The following VRK2 variants were observed in gnomAD, a reference collection of about 807,000 sequenced individuals.
The protein encoded by VRK2 is VRK serine/threonine kinase 2, also known as serine/threonine-protein kinase VRK2.
Under a neutral mutation model 57.6 loss-of-function variants are expected in VRK2, and 60 were observed. That is an observed-to-expected ratio of 1.04 (90% CI 0.85 to 1.29). The LOEUF (loss-of-function observed/expected upper bound fraction) is 1.29. Among genes scored for constraint, VRK2 ranks in the 50% most tolerant of loss-of-function variants. The probability of loss-of-function intolerance (pLI) is 0.00; values close to 1 mark genes in which losing one functional copy is unlikely to be tolerated. For missense variants in VRK2, 705 were observed against 588.1 expected (o/e 1.20, Z -2.06); for synonymous variants, 231 against 199.2 (o/e 1.16, Z -1.35).
chr2:58,029,647 C>T (rs1164677445), intron 2 of VRK2, among the ~76,000 whole-genome samples: 1 of 152,078 alleles, frequency 6.6e-6, no homozygotes, highest in Non-Finnish European at 1.5e-5. Flanking sequence ...TACATTGAGG[C>T]AGACATAGAC....
chr2:57,947,712 T>G (rs532016901), intron 1 of VRK2, among the ~76,000 whole-genome samples: 1 of 152,194 alleles, frequency 6.6e-6, no homozygotes, highest in Non-Finnish European at 1.5e-5. Context: ...GTTGTGTACC[T>G]GTTGCCTGAC....
At chr2:57,938,701 A>G (rs1360833921) in intron 1 of VRK2, among the ~76,000 whole-genome samples, 1 of 152,056 alleles carries the variant, frequency 6.6e-6, no homozygotes, top group South Asian at 2.1e-4. Flanking sequence ...TTTCTCTCAT[A>G]AACAGAAGTT....
intron 1 of VRK2, among the ~76,000 whole-genome samples, chr2:57,924,999 T>C (rs145994806): frequency 5.3e-4 from 80 of 152,256 alleles, no homozygotes; most frequent in African/African-American, 1.8e-3. Context: ...TCTGTTGATA[T>C]GATGTATCAC....
intron 1 of VRK2, among the ~76,000 whole-genome samples, chr2:58,012,313 T>C (rs568556389): frequency 2.5e-4 from 38 of 152,302 alleles, no homozygotes; most frequent in Admixed American, 3.9e-4. Context: ...TTTCACTTTA[T>C]TCTATGGACT....
intron 2 of VRK2, among the ~76,000 whole-genome samples, chr2:58,056,796 G>GT (rs1283300524): frequency 3.3e-5 from 5 of 152,158 alleles, no homozygotes; most frequent in African/African-American, 1.2e-4. Context: ...ACAACTAGAG[G>GT]TAGAGGAGAG....
In VRK2 at chr2:57,944,028, A is replaced by C. The variant is rs530140426; in HGVS notation, c.-439+36189A>C. On this transcript the variant is annotated intron_variant, in intron 1 of 15. Coordinates refer to the VRK2 transcript ENST00000417641. The stretch of plus-strand genomic sequence containing the variant: ...GCACTGGGCCAGATTTGGCTCATAG[A>C]GTGTAGTTTGCTGACAGCTGATCTA... Among the ~76,000 whole-genome samples, 4 of 152,352 alleles carry C rather than the reference A, an allele frequency of 2.6e-5. No homozygotes were observed. The East Asian group carries it at 7.7e-4, about 29-fold the overall frequency.
chr2:57,962,036 C>T (rs1671777833), intron 1 of VRK2, among the ~76,000 whole-genome samples: 1 of 152,148 alleles, frequency 6.6e-6, no homozygotes, highest in Non-Finnish European at 1.5e-5. Context: ...GTGATTGCGC[C>T]ACTGCACTCC....
At chr2:58,084,710 TTTAGTGTTTTC>T (rs1671369212) in intron 3 of VRK2, among the ~76,000 whole-genome samples, 160 bp from the exon 4 acceptor site, 1 of 151,920 alleles carries the variant, frequency 6.6e-6, no homozygotes. Flanking sequence ...TTCAAGTTTA[TTTAGTGTTTTC>T]TGAGATTTTT....
intron 7 of VRK2, among the ~76,000 whole-genome samples, chr2:58,122,431 C>A (rs1267163569): frequency 6.6e-6 from 1 of 152,100 alleles, no homozygotes; most frequent in Non-Finnish European, 1.5e-5. Context: ...ATGTATTATA[C>A]ATACCGTATT....
At chr2:58,151,142 C>T (rs182424477) in intron 12 of VRK2, among the ~76,000 whole-genome samples, 128 of 151,686 alleles carry the variant, frequency 8.4e-4, no homozygotes, top group Admixed American at 1.4e-3. Flanking sequence ...ATTTTGTCCT[C>T]GTTTTATCAT....
intron 10 of VRK2, among the ~76,000 whole-genome samples, chr2:58,135,952 G>C (rs188361857): frequency 6.6e-6 from 1 of 152,082 alleles, no homozygotes; most frequent in Non-Finnish European, 1.5e-5. Flanking sequence ...TAATCAGAGT[G>C]AATCTTGTTT....
At chr2:58,096,678 C>T (rs369062774) in intron 7 of VRK2, among the ~76,000 whole-genome samples, 4 of 151,748 alleles carry the variant, frequency 2.6e-5, no homozygotes, top group Admixed American at 2.0e-4. Context: ...AATTTTGACT[C>T]ATTAATGAGA....
At chr2:57,953,374 A>T (rs762787558) in intron 1 of VRK2, among the ~76,000 whole-genome samples, 21 of 152,166 alleles carry the variant, frequency 1.4e-4, no homozygotes, top group Non-Finnish European at 2.4e-4. Flanking sequence ...ATTGTTCCAT[A>T]TCTATAATAC....
chr2:58,085,930 CTTTTTTT>C (rs59333442), intron 4 of VRK2, among the ~76,000 whole-genome samples: 2 of 116,874 alleles, frequency 1.7e-5, no homozygotes, highest in East Asian at 2.6e-4. Flanking sequence ...CTTTTTTTTT[CTTTTTTT>C]TTTTTTTTTG....
intron 1 of VRK2, chr2:58,048,391 A>G: frequency 7.7e-6 from 3 of 391,804 alleles, no homozygotes; most frequent in Non-Finnish European, 1.4e-5. Context: ...TTCCCAATCC[A>G]ATCCTGTGTT....
intron 2 of VRK2, among the ~76,000 whole-genome samples, chr2:58,057,759 TTTG>T (rs1244684283): frequency 6.6e-6 from 1 of 152,104 alleles, no homozygotes; most frequent in African/African-American, 2.4e-5. Flanking sequence ...GTCAGAAGCT[TTTG>T]TTATGGTTTC....
At chr2:58,088,708 T>C (rs1159007145) in intron 6 of VRK2, among the ~76,000 whole-genome samples, 1 of 152,234 alleles carries the variant, frequency 6.6e-6, no homozygotes, top group Non-Finnish European at 1.5e-5. Flanking sequence ...TTGTTTTACA[T>C]ACCAGAACAA....
chr2:58,010,685 T>C (rs984013320), intron 1 of VRK2, among the ~76,000 whole-genome samples: 3 of 152,170 alleles, frequency 2.0e-5, no homozygotes, highest in African/African-American at 7.2e-5. Flanking sequence ...CTTCTGATCT[T>C]TCTGCACAGT....
At chr2:58,137,100 T>C (rs1223492764) in intron 10 of VRK2, among the ~76,000 whole-genome samples, 1 of 126,358 alleles carries the variant, frequency 7.9e-6, no homozygotes, top group Non-Finnish European at 1.6e-5. Flanking sequence ...GTATATATCA[T>C]ATATATAACA....
Sources: gnomAD v4.1 joint callset for allele counts (sites outside exome capture counted in the v4.1 genomes callset) on GRCh38, gnomAD v4.1.1 for gene constraint, MANE v1.5 for transcripts, NCBI Gene and HGNC (gene_info 2026-07-23, HGNC 2026-07-21) for gene names.